Variants in WBP11 observed in about 807,000 individuals in gnomAD.
WBP11 encodes WW domain binding protein 11.
In WBP11, 12 loss-of-function variants were observed where a neutral mutation model predicts 66.7. The ratio of observed to expected loss-of-function variants is 0.18; its 90% CI spans 0.12 to 0.29. WBP11 has a LOEUF of 0.29. Among genes scored for constraint, WBP11 ranks in the 10% least tolerant of loss-of-function variants. WBP11 has a pLI of 1.00. For synonymous variants in WBP11, 255 were observed against 273.8 expected, an observed-to-expected ratio of 0.93 and a Z score of 0.68; for missense variants, 555 against 818.3, an observed-to-expected ratio of 0.68 and a Z score of 3.93.
At chr12:14,788,257 A>C (rs1274180874) in intron 11 of WBP11, among the ~76,000 whole-genome samples, 1 of 152,182 alleles carries the variant, frequency 6.6e-6, no homozygotes, top group Non-Finnish European at 1.5e-5. Context: ...AAAACAATGC[A>C]CATGGAGTAA....
At chr12:14,803,270 G>A (rs1949993822) in intron 1 of WBP11, 82 bp downstream of exon 1, 5 of 395,508 alleles carry the variant, frequency 1.3e-5, no homozygotes, top group African/African-American at 4.1e-5. Flanking sequence ...CAAAGGGGCT[G>A]GGTGTCCCCC....
intron 1 of WBP11, among the ~76,000 whole-genome samples, chr12:14,802,858 A>G (rs1024835070): frequency 6.6e-6 from 1 of 152,200 alleles, no homozygotes; most frequent in Admixed American, 6.5e-5. Context: ...CTCCTCCCCC[A>G]CAAATGAAAC....
At chr12:14,794,410 G>T in intron 7 of WBP11, 127 bp downstream of exon 7, 1 of 986,802 alleles carries the variant, frequency 1.0e-6, no homozygotes, top group Non-Finnish European at 1.6e-6. Flanking sequence ...CCAACTGTAT[G>T]TATATTAGTT....
chr12:14,793,648 C>T (rs1949850212), intron 8 of WBP11, 83 bp downstream of exon 8: 2 of 1,483,200 alleles, frequency 1.3e-6, no homozygotes, highest in African/African-American at 1.4e-5. Context: ...TCAGAGTACT[C>T]TCACAGATTC....
chr12:14,795,263 C>T (rs1565673737), intron 5 of WBP11, among the ~76,000 whole-genome samples, 159 bp from the exon 6 acceptor site: 1 of 152,212 alleles, frequency 6.6e-6, no homozygotes, highest in Non-Finnish European at 1.5e-5. Context: ...AATACTTCCA[C>T]ATTGTCAAAG....
rs1565671844 is a variant in WBP11 at position 14,790,477 on chromosome 12, G to C, written c.1288C>G (p.Leu430Val). Reference sequence around the variant, plus strand: ...TTACCTGGAGGTGGACCAGGAGGAAGGCCTGTAGGTGGCCCAGGAGGCCGT... The same window carrying C: ...TTACCTGGAGGTGGACCAGGAGGAACGCCTGTAGGTGGCCCAGGAGGCCGT... The part of the protein sequence containing the change: ...PLRPPGPPTG[L>V]PPGPPPGAPP... Residue 430 changes from leucine to valine, a missense_variant, in exon 10 of 12, where the codon CTT (leucine) becomes GTT (valine). This residue lies in a region of WBP11 where 230 missense variants were observed against 286.3 expected (regional missense o/e 0.80). Coordinates refer to ENST00000261167, the MANE Select transcript of WBP11 (RefSeq NM_016312.3). The C allele has an allele frequency of 1.9e-6, 3 of 1,613,916 alleles. No individual in the cohort carries two copies. Among genetic ancestry groups the C allele is most frequent in the Non-Finnish European group, 2.5e-6 (3 of 1,179,798 alleles).
At chr12:14,789,563 T>A (rs1210878661) in intron 10 of WBP11, among the ~76,000 whole-genome samples, 1 of 151,834 alleles carries the variant, frequency 6.6e-6, no homozygotes, top group Admixed American at 6.6e-5. Context: ...CCAGCCTGGG[T>A]GACAGAACAA....
At chr12:14,800,902 C>A in intron 2 of WBP11, 119 bp from the exon 3 acceptor site, 2 of 816,662 alleles carry the variant, frequency 2.4e-6, no homozygotes, top group Admixed American at 2.8e-5. Context: ...TGTAAAAGAG[C>A]AGCATCTTTG....
intron 8 of WBP11, among the ~76,000 whole-genome samples, chr12:14,792,326 C>G (rs1331694228): frequency 6.6e-6 from 1 of 152,096 alleles, no homozygotes; most frequent in African/African-American, 2.4e-5. Context: ...CTGACAAAGG[C>G]TATCCATTAG....
At position 14,803,325 on chromosome 12, in the gene WBP11, A is replaced by G. The variant is rs1037565481; in HGVS notation, c.-46+27T>C. On this transcript the variant is annotated intron_variant, in intron 1 of 11. Transcript: ENST00000261167. ...GGAAGGGACGAAAGAGGTGAGGAAGAGTAGTAAATCAATTCAATACACTCA... is the reference window on the plus strand; with the variant it reads ...GGAAGGGACGAAAGAGGTGAGGAAGGGTAGTAAATCAATTCAATACACTCA... 10 of 396,762 alleles carry G rather than the reference A, an allele frequency of 2.5e-5. No homozygotes were observed. The Admixed American group carries it at 4.0e-4, about 16-fold the overall frequency. The allele number at this position is 396,762 out of a possible 1,614,324, so 24.6% of individuals were successfully genotyped here.
rs1949996818 is a variant in WBP11, at chr12:14,803,417, G to C, written c.-111C>G. ...GGCGACTCCCGGCCTCTTTCACTTC[G>C]TAAAGGCCTTCAACTGGGTCTCTCG... On this transcript the variant is annotated 5_prime_UTR_variant, in exon 1 of 12. Transcript: ENST00000261167. 1 of 398,664 alleles carries C rather than the reference G, an allele frequency of 2.5e-6. No individual in the cohort carries two copies. The highest frequency in any genetic ancestry group is 4.4e-6 in the Non-Finnish European group (1 of 226,204). The allele number at this position is 398,664 out of a possible 1,614,324, so 24.7% of individuals were successfully genotyped here. A position where few individuals can be genotyped will look rare whatever the true frequency, so the allele number is the denominator to read the frequency against.
In WBP11 at chr12:14,788,966, G is replaced by A; in HGVS notation, c.1477C>T (p.Pro493Ser). The change falls in exon 11 of 12, where the codon CCC (proline) becomes TCC (serine). Residue 493 changes from proline to serine, a missense_variant. Around this residue, in one of 6 missense-constraint regions of WBP11, gnomAD observed 230 missense variants for 286.3 expected, o/e 0.80. Transcript: ENST00000261167. ...PPRGPPPRLPPPAPPGIPPPR... is the reference protein window; with the variant it reads ...PPRGPPPRLPSPAPPGIPPPR... ...AAAGCATCACCTGGAGGTGCAGGGG[G>A]AGGTAGCCTTGGTGGGGGTCCACGA... The A allele has an allele frequency of 6.9e-7, 1 of 1,459,010 alleles. No individual in the cohort carries two copies. Among genetic ancestry groups the A allele is most frequent in the Non-Finnish European group, 9.0e-7 (1 of 1,112,564 alleles). The allele number at this position is 1,459,010 out of a possible 1,614,324, so 90.4% of individuals were successfully genotyped here. A position where few individuals can be genotyped will look rare whatever the true frequency, so the allele number is the denominator to read the frequency against.
At position 14,796,066 on chromosome 12, in the gene WBP11, AT is replaced by A. The variant is rs546712984; in HGVS notation, c.387+740del. ...CATCCCCCAAGGCAACCACGGCTACATTTTTTTTTCCTGCACAGATTATCTG... is the reference window on the plus strand; with the variant it reads ...CATCCCCCAAGGCAACCACGGCTACATTTTTTTTCCTGCACAGATTATCTG... On this transcript the variant is annotated intron_variant, in intron 5 of 11. Coordinates refer to ENST00000261167, the MANE Select transcript of WBP11 (RefSeq NM_016312.3). This position sits in a 1 kb window ranked among gnomAD's most constrained non-coding sequence, Gnocchi z 4.5. 2.2e-4 allele frequency among the ~76,000 whole-genome samples: 34 copies of A among 151,592 alleles called. No homozygotes were observed. The highest frequency in any genetic ancestry group is 2.4e-4 in the Non-Finnish European group (16 of 67,840).
intron 4 of WBP11, among the ~76,000 whole-genome samples, chr12:14,798,357 G>T (rs1426593824): frequency 6.6e-6 from 1 of 152,102 alleles, no homozygotes; most frequent in South Asian, 2.1e-4. Flanking sequence ...CTAAAAAATT[G>T]TGACGATTAG....
chr12:14,798,275 C>A (rs1218772224), intron 4 of WBP11, among the ~76,000 whole-genome samples: 1 of 152,038 alleles, frequency 6.6e-6, no homozygotes, highest in African/African-American at 2.4e-5. Context: ...AGCAGTGTGA[C>A]CTTGAGGAAA....
At position 14,794,712 on chromosome 12, in the gene WBP11, G is replaced by A; in HGVS notation, c.546C>T (p.Ile182=). Residue 182 remains isoleucine (I), a synonymous_variant, in exon 7 of 12, where the codon ATC becomes ATT. Coordinates refer to ENST00000261167, the MANE Select transcript of WBP11 (RefSeq NM_016312.3). ...GAACACCATGTCCAAGAAGAGGAAG[G>A]ATAGAAACTGCCCGAGTTGGAGGTC... The part of the protein sequence containing the change: ...AYGPPTRAVS[I]LPLLGHGVPR... 2 of 1,569,158 alleles carry A rather than the reference G, an allele frequency of 1.3e-6. No homozygotes were observed. Among genetic ancestry groups the A allele is most frequent in the Non-Finnish European group, 8.6e-7 (1 of 1,162,798 alleles).
At chr12:14,794,223 G>C (rs993652290) in intron 7 of WBP11, among the ~76,000 whole-genome samples, 3 of 152,104 alleles carry the variant, frequency 2.0e-5, no homozygotes, top group Non-Finnish European at 4.4e-5. Context: ...CACAGTCAGT[G>C]AATGTATACA....
chr12:14,800,874 G>C (rs1949954606), intron 2 of WBP11, 91 bp from the exon 3 acceptor site: 3 of 1,159,492 alleles, frequency 2.6e-6, no homozygotes, highest in East Asian at 4.8e-5. Context: ...CTTTATTGTG[G>C]AAAGTTACAG....
intron 2 of WBP11, chr12:14,801,035 C>T (rs947054069): frequency 1.7e-5 from 8 of 461,950 alleles, no homozygotes; most frequent in African/African-American, 8.0e-5. Flanking sequence ...TAACATAAAA[C>T]GCGAAACAAG....
Sources: allele counts gnomAD v4.1 joint callset (sites outside exome capture counted in the v4.1 genomes callset), GRCh38; gene constraint gnomAD v4.1.1; regional missense constraint gnomAD v4.1.1; non-coding constraint Gnocchi (gnomAD v3.1); transcripts MANE v1.5; gene names NCBI Gene and HGNC (gene_info 2026-07-23, HGNC 2026-07-21).